The following CIMAP2 variants were observed in gnomAD, a reference collection of about 807,000 sequenced individuals.
CIMAP2 encodes the protein ciliary microtubule associated protein 2.
At chr1:54,819,997 T>A in the CIMAP2 span, among the ~76,000 whole-genome samples, 3 of 141,086 alleles carry the variant, frequency 2.1e-5, no homozygotes, top group Admixed American at 2.1e-4. Context: ...TCTTCTTTCT[T>A]TCTCCCTCTC....
chr1:54,831,626 C>T, the CIMAP2 span, among the ~76,000 whole-genome samples: 3 of 152,062 alleles, frequency 2.0e-5, no homozygotes, highest in South Asian at 4.2e-4. Context: ...GCACTCCAGC[C>T]TGGGTGACAA....
At chr1:54,812,012 T>C in the CIMAP2 span, 2 of 1,614,118 alleles carry the variant, frequency 1.2e-6, no homozygotes, top group Non-Finnish European at 1.7e-6. Flanking sequence ...AGCTGAGCTC[T>C]CCTGCAGGCC....
the CIMAP2 span, chr1:54,814,013 G>C: frequency 6.4e-7 from 1 of 1,554,548 alleles, no homozygotes; most frequent in Non-Finnish European, 8.7e-7. Flanking sequence ...CTCTCTCGGA[G>C]GGCAGCTCTC....
chr1:54,814,399 G>C, the CIMAP2 span, among the ~76,000 whole-genome samples: 2 of 152,184 alleles, frequency 1.3e-5, no homozygotes, highest in Admixed American at 6.5e-5. Context: ...TGGTGCACTC[G>C]GCCCTAGTGT....
chr1:54,808,619 G>GGGGGGC, the CIMAP2 span, among the ~76,000 whole-genome samples: 3 of 123,236 alleles, frequency 2.4e-5, no homozygotes, highest in African/African-American at 6.1e-5. Flanking sequence ...TGCCGGGGGA[G>GGGGGGC]GGCAGTGGAG....
the CIMAP2 span, among the ~76,000 whole-genome samples, chr1:54,834,794 G>A: frequency 6.6e-6 from 1 of 152,250 alleles, no homozygotes; most frequent in Non-Finnish European, 1.5e-5. Context: ...CACATGAAGT[G>A]AGGTGTGGCA....
the CIMAP2 span, chr1:54,811,656 A>C: frequency 8.2e-6 from 7 of 855,586 alleles, no homozygotes; most frequent in Non-Finnish European, 1.3e-5. Context: ...GTTGTGTGTC[A>C]GAGGGCAGGT....
At chr1:54,815,506 A>G in the CIMAP2 span, among the ~76,000 whole-genome samples, 2 of 152,050 alleles carry the variant, frequency 1.3e-5, no homozygotes, top group Non-Finnish European at 2.9e-5. Context: ...AAGCTGGTGC[A>G]TTTCCCGTCC....
the CIMAP2 span, among the ~76,000 whole-genome samples, chr1:54,812,498 C>T: frequency 1.3e-5 from 2 of 152,238 alleles, no homozygotes; most frequent in Admixed American, 6.5e-5. Flanking sequence ...GCCCACAGTG[C>T]CAGGGGAGCT....
At chr1:54,823,274 A>G in the CIMAP2 span, among the ~76,000 whole-genome samples, 1 of 151,082 alleles carries the variant, frequency 6.6e-6, no homozygotes, top group South Asian at 2.1e-4. Context: ...TATATTTACT[A>G]TTGTTATATT....
At chr1:54,813,611 C>T in the CIMAP2 span, among the ~76,000 whole-genome samples, 6 of 152,170 alleles carry the variant, frequency 3.9e-5, no homozygotes, top group Admixed American at 3.9e-4. Flanking sequence ...CGCCCCGACC[C>T]GCTGGTTGGG....
chr1:54,816,735 T>A, the CIMAP2 span, among the ~76,000 whole-genome samples: 1 of 152,178 alleles, frequency 6.6e-6, no homozygotes, highest in Admixed American at 6.5e-5. Context: ...CCAGTCACAT[T>A]GGAAGAAGGG....
chr1:54,835,479 G>A, the CIMAP2 span, among the ~76,000 whole-genome samples: 1 of 152,170 alleles, frequency 6.6e-6, no homozygotes, highest in East Asian at 1.9e-4. Flanking sequence ...ATGAGCCACT[G>A]TGCCTGGCCA....
At chr1:54,811,839 T>C in the CIMAP2 span, 13 of 1,405,770 alleles carry the variant, frequency 9.2e-6, no homozygotes, top group East Asian at 3.9e-4. Flanking sequence ...GGGTAACCCA[T>C]ACACCAAGCT....
chr1:54,806,345 G>A, the CIMAP2 span: 18 of 1,019,228 alleles, frequency 1.8e-5, no homozygotes, highest in Non-Finnish European at 2.4e-5. Context: ...CTGGCGGGGA[G>A]GGGAACCAGA....
chr1:54,811,773 G>GT, the CIMAP2 span: 1 of 1,325,048 alleles, frequency 7.5e-7, no homozygotes, highest in Non-Finnish European at 1.0e-6. Context: ...CAGCCTCCAT[G>GT]CCCCCACCCC....
chr1:54,840,815 T>C, the CIMAP2 span, among the ~76,000 whole-genome samples: 2 of 152,256 alleles, frequency 1.3e-5, no homozygotes, highest in East Asian at 1.9e-4. Flanking sequence ...TTTAAACAAA[T>C]GGGCTGCTTA....
chr1:54,822,919 A>C, the CIMAP2 span, among the ~76,000 whole-genome samples: 2 of 152,140 alleles, frequency 1.3e-5, no homozygotes, highest in South Asian at 4.1e-4. Context: ...GTTTTATTTT[A>C]TTGTGGTCTG....
At chr1:54,817,155 G>A in the CIMAP2 span, 1,267 of 1,612,282 alleles carry the variant, frequency 7.9e-4, 12 homozygotes, top group African/African-American at 0.013. Context: ...GCGAAGGGGC[G>A]AGGGCGGTGG....
Sources: allele counts gnomAD v4.1 joint callset (sites outside exome capture counted in the v4.1 genomes callset), GRCh38; gene constraint gnomAD v4.1.1; transcripts MANE v1.5; gene names NCBI Gene and HGNC (gene_info 2026-07-23, HGNC 2026-07-21).